The following CTNND2 variants were observed in gnomAD, a reference collection of about 807,000 sequenced individuals.
The protein encoded by CTNND2 is catenin delta-2.
CTNND2 carries 22 observed loss-of-function variants against 144.4 expected under a neutral mutation model. The ratio of observed to expected loss-of-function variants is 0.15; its 90% CI spans 0.11 to 0.22. The LOEUF (loss-of-function observed/expected upper bound fraction) is 0.22, where lower values mean the gene tolerates loss of function less well. CTNND2 is among the 10% of genes least tolerant of loss of function. CTNND2 has a pLI of 1.00. For synonymous variants in CTNND2, 751 were observed against 695.6 expected, an observed-to-expected ratio of 1.08 and a Z score of -1.25; for missense variants, 1,353 against 1,618.8, an observed-to-expected ratio of 0.84 and a Z score of 2.82.
Position 11,575,402 on chromosome 5 carries a change from A to G in CTNND2, c.175-10346T>C, listed in dbSNP as rs564054563. 5.3e-4 allele frequency among the ~76,000 whole-genome samples: 81 copies of G among 152,226 alleles called. 2 individuals are homozygous for G. Among genetic ancestry groups the G allele is most frequent in the Non-Finnish European group, 7.3e-4 (50 of 68,036 alleles). On this transcript the variant is annotated intron_variant, in intron 2 of 21. Coordinates refer to ENST00000304623, the MANE Select transcript of CTNND2 (RefSeq NM_001332.4). ...TAAAATATGACATTAGATCACTTTT[A>G]TAGCACTTCCAATGCAGAATTTCTG...
chr5:11,519,155 C>T (rs536516334), intron 3 of CTNND2, among the ~76,000 whole-genome samples: 1 of 152,218 alleles, frequency 6.6e-6, no homozygotes, highest in African/African-American at 2.4e-5. Context: ...CTCAACATGC[C>T]TAGCAAACAA....
intron 1 of CTNND2, among the ~76,000 whole-genome samples, chr5:11,746,491 CTT>C (rs1788325674): frequency 6.6e-6 from 1 of 151,942 alleles, no homozygotes; most frequent in African/African-American, 2.4e-5. Flanking sequence ...TTAAAAAAAA[CTT>C]TTAATGTTTT....
intron 18 of CTNND2, among the ~76,000 whole-genome samples, chr5:11,005,954 A>C (rs2149518279): frequency 6.6e-6 from 1 of 152,316 alleles, no homozygotes; most frequent in South Asian, 2.1e-4. Flanking sequence ...CCCAGAACTC[A>C]AAGTATAATT....
chr5:11,108,973 G>A (rs912740129), intron 14 of CTNND2, among the ~76,000 whole-genome samples: 4 of 152,104 alleles, frequency 2.6e-5, no homozygotes, highest in African/African-American at 9.7e-5. Context: ...CCCAATCTTC[G>A]GATTCCCTCC....
At chr5:11,631,997 A>G (rs1170440406) in intron 2 of CTNND2, among the ~76,000 whole-genome samples, 9 of 152,202 alleles carry the variant, frequency 5.9e-5, no homozygotes, top group Non-Finnish European at 8.8e-5. Flanking sequence ...GGGAATGGCT[A>G]TATTTAAAAT....
At chr5:11,466,735 T>C (rs180769201) in intron 3 of CTNND2, among the ~76,000 whole-genome samples, 148 of 152,274 alleles carry the variant, frequency 9.7e-4, no homozygotes, top group African/African-American at 3.3e-3. Context: ...CCCACATTAG[T>C]GGGGGTTCTG....
chr5:11,132,000 A>C (rs974956133), intron 12 of CTNND2, among the ~76,000 whole-genome samples: 1 of 152,138 alleles, frequency 6.6e-6, no homozygotes, highest in African/African-American at 2.4e-5. Context: ...TGTTTTTGTG[A>C]TTGCTTTGAT....
chr5:11,332,057 C>A (rs1054047676), intron 9 of CTNND2, among the ~76,000 whole-genome samples: 7 of 151,982 alleles, frequency 4.6e-5, no homozygotes, highest in African/African-American at 1.7e-4. Flanking sequence ...GGGCGGATCA[C>A]CTGAGGTCGG....
intron 16 of CTNND2, among the ~76,000 whole-genome samples, chr5:11,061,099 A>C (rs1198884547): frequency 6.6e-6 from 1 of 152,186 alleles, no homozygotes; most frequent in Non-Finnish European, 1.5e-5. Flanking sequence ...CCAAAATCAA[A>C]GTTGTGATCT....
chr5:11,382,369 C>T (rs938925435), intron 7 of CTNND2, among the ~76,000 whole-genome samples: 9 of 152,082 alleles, frequency 5.9e-5, no homozygotes, highest in Non-Finnish European at 1.3e-4. Flanking sequence ...GAGGCCAAAG[C>T]GAGCAGATCA....
chr5:11,302,505 T>C (rs1749716754), intron 9 of CTNND2, among the ~76,000 whole-genome samples: 1 of 152,166 alleles, frequency 6.6e-6, no homozygotes, highest in East Asian at 1.9e-4. Context: ...AAAGGGGTGA[T>C]GCCAAAGGAA....
At chr5:11,332,259 G>A (rs1353566947) in intron 9 of CTNND2, among the ~76,000 whole-genome samples, 2 of 144,720 alleles carry the variant, frequency 1.4e-5, no homozygotes, top group Admixed American at 6.9e-5. Flanking sequence ...TGGGCAACAA[G>A]AGCTAAACTC....
At chr5:11,385,967 TTCTC>T (rs1198793554) in intron 6 of CTNND2, 1 of 152,224 alleles carries the variant, frequency 6.6e-6, no homozygotes, top group Non-Finnish European at 1.5e-5. Flanking sequence ...TTCAGCATCT[TTCTC>T]TCTCTAGCTC....
chr5:11,082,110 G>A (rs1383027788), intron 16 of CTNND2, among the ~76,000 whole-genome samples: 1 of 152,130 alleles, frequency 6.6e-6, no homozygotes, highest in African/African-American at 2.4e-5. Context: ...CTCCACAAGG[G>A]CAGGGCTTTC....
intron 1 of CTNND2, among the ~76,000 whole-genome samples, chr5:11,754,449 G>A (rs1373808030): frequency 3.0e-5 from 2 of 66,956 alleles, no homozygotes; most frequent in Non-Finnish European, 8.3e-5. Flanking sequence ...CGGGGAGGTG[G>A]AGAGTTCTGT....
Position 11,684,391 on chromosome 5 carries a change from C to T in CTNND2, c.174+47745G>A, listed in dbSNP as rs113182801. Among the ~76,000 whole-genome samples, 775 of 152,132 alleles carry T rather than the reference C, an allele frequency of 5.1e-3. 7 individuals are homozygous for T. The highest frequency in any genetic ancestry group is 0.014 in the African/African-American group (569 of 41,538). On this transcript the variant is annotated intron_variant, in intron 2 of 21. Transcript: ENST00000304623. ...TGCTGGGATTACAGGCGTGAGCCAC[C>T]GCAGCCGGCCTACATGTTATTTTTA... is the stretch of plus-strand genomic sequence containing the variant.
intron 9 of CTNND2, among the ~76,000 whole-genome samples, chr5:11,292,456 C>T (rs1019722622): frequency 7.1e-6 from 1 of 140,654 alleles, no homozygotes; most frequent in Non-Finnish European, 1.6e-5. Context: ...CCATAATCCC[C>T]ATGTGTGGAG....
chr5:11,767,516 G>A (rs762609505), intron 1 of CTNND2, among the ~76,000 whole-genome samples: 13 of 152,160 alleles, frequency 8.5e-5, no homozygotes, highest in Non-Finnish European at 1.0e-4. Context: ...AATGAACCAC[G>A]AACAAGAATT....
At chr5:11,687,798 A>C (rs1305395057) in intron 2 of CTNND2, among the ~76,000 whole-genome samples, 2 of 152,208 alleles carry the variant, frequency 1.3e-5, no homozygotes, top group African/African-American at 4.8e-5. Flanking sequence ...TCCCATGAAG[A>C]AACTAAAGCT....
Sources: gnomAD v4.1 joint callset for allele counts (sites outside exome capture counted in the v4.1 genomes callset) on GRCh38, gnomAD v4.1.1 for gene constraint, MANE v1.5 for transcripts, NCBI Gene and HGNC (gene_info 2026-07-23, HGNC 2026-07-21) for gene names.